Variants in ROBO1 observed in about 807,000 individuals in gnomAD.
ROBO1 encodes the protein roundabout guidance receptor 1.
In ROBO1, 149 loss-of-function variants were observed where a neutral mutation model predicts 195.9. The observed-to-expected ratio is 0.76, with a 90% confidence interval of 0.67 to 0.87. ROBO1 has a LOEUF of 0.87. Ranked by LOEUF, ROBO1 falls within the 40% of genes least tolerant of loss-of-function variation. ROBO1 has a pLI of 0.00. For synonymous variants in ROBO1, 816 were observed against 733.2 expected (o/e 1.11, Z -1.82); for missense variants, 1,933 against 2,068.3 (o/e 0.93, Z 1.27).
At chr3:79,378,317 T>C (rs1370489550) in intron 2 of ROBO1, among the ~76,000 whole-genome samples, 1 of 152,014 alleles carries the variant, frequency 6.6e-6, no homozygotes, top group East Asian at 1.9e-4. Context: ...GGTGCCAGCC[T>C]CCAGCATGGG....
intron 1 of ROBO1, among the ~76,000 whole-genome samples, chr3:79,702,120 T>C (rs9829525): frequency 0.28 from 43,205 of 151,632 alleles, 7,192 homozygotes; most frequent in African/African-American, 0.47. Context: ...AAACTAGTGA[T>C]ATAAAAATCA....
chr3:78,753,702 A>G (rs752614888), intron 4 of ROBO1, among the ~76,000 whole-genome samples: 1 of 151,916 alleles, frequency 6.6e-6, no homozygotes, highest in Admixed American at 6.6e-5. Flanking sequence ...CTGCCCCTCA[A>G]CTGGACCTGA....
intron 18 of ROBO1, among the ~76,000 whole-genome samples, chr3:78,655,598 A>G (rs1178818932): frequency 1.3e-5 from 2 of 152,198 alleles, no homozygotes; most frequent in Non-Finnish European, 2.9e-5. Context: ...TGTATCTATT[A>G]CCGCAACTCA....
chr3:78,669,869 T>C (rs182218313), intron 11 of ROBO1, among the ~76,000 whole-genome samples: 8 of 152,334 alleles, frequency 5.3e-5, no homozygotes, highest in African/African-American at 1.9e-4. Context: ...TCCTTTCTTC[T>C]CCTCCATACA....
intron 3 of ROBO1, among the ~76,000 whole-genome samples, chr3:79,104,890 C>A (rs1313558468): frequency 6.6e-6 from 1 of 151,726 alleles, no homozygotes; most frequent in Non-Finnish European, 1.5e-5. Flanking sequence ...AGCTTAGAGA[C>A]AGACCCATAC....
intron 2 of ROBO1, among the ~76,000 whole-genome samples, chr3:79,282,250 T>C (rs1020073413): frequency 2.0e-5 from 3 of 152,252 alleles, no homozygotes; most frequent in Admixed American, 1.3e-4. Context: ...TGAAGAACAG[T>C]GTAAAGGACA....
At chr3:78,724,893 A>G (rs1350140647) in intron 5 of ROBO1, among the ~76,000 whole-genome samples, 1 of 152,194 alleles carries the variant, frequency 6.6e-6, no homozygotes, top group Non-Finnish European at 1.5e-5. Context: ...AAAATAAGCT[A>G]AAATATTTCT....
At chr3:79,745,186 G>A (rs1288083758) in intron 1 of ROBO1, among the ~76,000 whole-genome samples, 1 of 152,018 alleles carries the variant, frequency 6.6e-6, no homozygotes. Flanking sequence ...CATTGTCCTT[G>A]GTTGTCCCTG....
At chr3:78,658,624 C>A (rs1707187374) in intron 17 of ROBO1, among the ~76,000 whole-genome samples, 1 of 152,154 alleles carries the variant, frequency 6.6e-6, no homozygotes, top group South Asian at 2.1e-4. Context: ...GCAATATATA[C>A]CATTAACTTT....
intron 8 of ROBO1, among the ~76,000 whole-genome samples, chr3:78,708,439 A>G (rs1009399568): frequency 1.3e-5 from 2 of 151,980 alleles, no homozygotes; most frequent in South Asian, 4.1e-4. Context: ...TGCTTTTCCT[A>G]AAGTCTACTT....
intron 2 of ROBO1, among the ~76,000 whole-genome samples, chr3:79,423,454 G>A (rs959327976): frequency 3.3e-5 from 5 of 152,126 alleles, no homozygotes; most frequent in African/African-American, 1.2e-4. Context: ...GAAATCTCAA[G>A]CGACAGCTTT....
intron 2 of ROBO1, among the ~76,000 whole-genome samples, chr3:79,560,226 CT>C (rs1942860643): frequency 6.6e-6 from 1 of 151,678 alleles, no homozygotes; most frequent in African/African-American, 2.4e-5. Flanking sequence ...AGTTCATGTC[CT>C]TTGTAGGGAC....
At chr3:78,924,543 C>CA (rs1330386768) in intron 4 of ROBO1, among the ~76,000 whole-genome samples, 2 of 151,488 alleles carry the variant, frequency 1.3e-5, no homozygotes, top group East Asian at 1.9e-4. Context: ...CACTGAAAAA[C>CA]AAAAAAGAGC....
chr3:78,784,124 A>G (rs562670336), intron 4 of ROBO1, among the ~76,000 whole-genome samples: 18 of 152,268 alleles, frequency 1.2e-4, no homozygotes, highest in Admixed American at 2.6e-4. Context: ...GCATATCCAT[A>G]TATCACAATT....
At chr3:79,104,375 C>T (rs1006628830) in intron 3 of ROBO1, among the ~76,000 whole-genome samples, 4 of 151,698 alleles carry the variant, frequency 2.6e-5, no homozygotes, top group Admixed American at 2.6e-4. Flanking sequence ...GATAGAACAG[C>T]ATGTGAACAT....
At chr3:78,786,357 G>T (rs574073691) in intron 4 of ROBO1, among the ~76,000 whole-genome samples, 2 of 152,202 alleles carry the variant, frequency 1.3e-5, no homozygotes, top group African/African-American at 4.8e-5. Flanking sequence ...TAAATTTCAA[G>T]AAATATTTCT....
chr3:79,550,542 C>T (rs2107672995), intron 2 of ROBO1, among the ~76,000 whole-genome samples: 2 of 152,314 alleles, frequency 1.3e-5, no homozygotes, highest in Admixed American at 1.3e-4. Context: ...AACCCAGTAA[C>T]ATGAACAGAT....
intron 2 of ROBO1, among the ~76,000 whole-genome samples, chr3:79,428,863 A>T (rs908301695): frequency 5.3e-5 from 8 of 152,132 alleles, no homozygotes; most frequent in Non-Finnish European, 1.2e-4. Context: ...TGAAAAAAAA[A>T]ATCAGAAAGA....
intron 1 of ROBO1, among the ~76,000 whole-genome samples, chr3:79,647,821 T>C (rs1945877480): frequency 6.6e-6 from 1 of 152,086 alleles, no homozygotes; most frequent in Non-Finnish European, 1.5e-5. Context: ...TTTGCTATAA[T>C]GTTGATGAGA....
Sources: gnomAD v4.1 joint callset for allele counts (sites outside exome capture counted in the v4.1 genomes callset) on GRCh38, gnomAD v4.1.1 for gene constraint, MANE v1.5 for transcripts, NCBI Gene and HGNC (gene_info 2026-07-23, HGNC 2026-07-21) for gene names.